The following ANKRD11 variants were observed in gnomAD, a reference collection of about 807,000 sequenced individuals.
The protein encoded by ANKRD11 is ankyrin repeat domain 11.
Under a neutral mutation model 195.7 loss-of-function variants are expected in ANKRD11, and 17 were observed. That is an observed-to-expected ratio of 0.09 (90% confidence interval 0.06 to 0.13). The LOEUF (loss-of-function observed/expected upper bound fraction) is 0.13, where lower values mean the gene tolerates loss of function less well. Among genes scored for constraint, ANKRD11 ranks in the 10% least tolerant of loss-of-function variants. The probability of loss-of-function intolerance (pLI) is 1.00; values close to 1 mark genes in which losing one functional copy is unlikely to be tolerated. For missense variants in ANKRD11, 3,735 were observed against 3,566.1 expected (o/e 1.05, Z -1.21); for synonymous variants, 1,953 against 1,528.1 (o/e 1.28, Z -6.49).
At chr16:89,426,493 G>C (rs980537607) in intron 1 of ANKRD11, among the ~76,000 whole-genome samples, 7 of 150,450 alleles carry the variant, frequency 4.7e-5, no homozygotes, top group African/African-American at 1.5e-4. Context: ...AACAAGCCTT[G>C]AAAGGGAACA....
intron 1 of ANKRD11, among the ~76,000 whole-genome samples, chr16:89,469,229 T>A (rs1416624581): frequency 6.6e-6 from 1 of 152,232 alleles, no homozygotes; most frequent in Middle Eastern, 3.4e-3. Flanking sequence ...ATCCACTCTT[T>A]TTTTTCTTTT....
At chr16:89,379,581 T>C (rs565480292) in intron 2 of ANKRD11, among the ~76,000 whole-genome samples, 2 of 152,298 alleles carry the variant, frequency 1.3e-5, no homozygotes, top group East Asian at 3.9e-4. Flanking sequence ...TGGGCTCAAG[T>C]GACACTTCTG....
In ANKRD11 at chr16:89,461,180, ACCCC is replaced by A. The variant is rs33936253; in HGVS notation, c.-145+29061_-145+29064del. Reference sequence around the variant, plus strand: ...GAGAAGAAAGGACAAATATCGTATGACCCCCCCCCCCCCCTTATAGGAGAGGTGC... The same window carrying A: ...GAGAAGAAAGGACAAATATCGTATGACCCCCCCCCCTTATAGGAGAGGTGC... On this transcript the variant is annotated intron_variant, in intron 1 of 12. Coordinates refer to ENST00000301030, the MANE Select transcript of ANKRD11 (RefSeq NM_013275.6). Among the ~76,000 whole-genome samples the A allele has an allele frequency of 1.7e-4, 10 of 58,268 alleles. 1 individual carries two copies. The highest frequency in any genetic ancestry group is 4.0e-4 in the African/African-American group (5 of 12,394). The allele number at this position is 58,268 out of a possible 152,430, so 38.2% of individuals were successfully genotyped here. A position where few individuals can be genotyped will look rare whatever the true frequency, so the allele number is the denominator to read the frequency against.
Position 89,490,457 on chromosome 16 carries a change from T to C in ANKRD11, c.-357A>G. On this transcript the variant is annotated 5_prime_UTR_variant, in exon 1 of 13. Transcript: ENST00000301030. ...CCACGGCTCGGGCGAGAGCCGCGGCTCCCGGTGCGGACGCTACTGATGGGG... is the reference window on the plus strand; with the variant it reads ...CCACGGCTCGGGCGAGAGCCGCGGCCCCCGGTGCGGACGCTACTGATGGGG... The C allele has an allele frequency of 2.6e-6, 1 of 378,360 alleles. No individual in the cohort carries two copies. The highest frequency in any genetic ancestry group is 7.7e-5 in the South Asian group (1 of 12,938). The allele number at this position is 378,360 out of a possible 1,614,324, so 23.4% of individuals were successfully genotyped here.
intron 2 of ANKRD11, chr16:89,323,282 C>CCTTG: frequency 7.8e-7 from 1 of 1,288,422 alleles, no homozygotes; most frequent in South Asian, 1.2e-5. Flanking sequence ...CTACTGTGTG[C>CCTTG]AAAGCCCTTG....
chr16:89,469,443 A>C (rs1385857647), intron 1 of ANKRD11, among the ~76,000 whole-genome samples: 3 of 151,886 alleles, frequency 2.0e-5, no homozygotes, highest in African/African-American at 7.3e-5. Flanking sequence ...GGATGGTGTC[A>C]AACTCCTAAC....
At chr16:89,409,850 A>ATTTT in intron 2 of ANKRD11, among the ~76,000 whole-genome samples, 1 of 151,972 alleles carries the variant, frequency 6.6e-6, no homozygotes, top group East Asian at 1.9e-4. Flanking sequence ...TTATTTATTT[A>ATTTT]TTTTTTGAGA....
intron 2 of ANKRD11, among the ~76,000 whole-genome samples, chr16:89,355,989 T>A (rs1273779479): frequency 6.6e-6 from 1 of 151,982 alleles, no homozygotes; most frequent in Non-Finnish European, 1.5e-5. Flanking sequence ...GGTGGGAGGA[T>A]CACATGAGCC....
chr16:89,380,461 G>A (rs1372293890), intron 2 of ANKRD11, among the ~76,000 whole-genome samples: 3 of 152,132 alleles, frequency 2.0e-5, no homozygotes, highest in African/African-American at 7.2e-5. Context: ...AGAGCTCCCT[G>A]AGCCTTCAGA....
chr16:89,390,174 G>A (rs555896646), intron 2 of ANKRD11, among the ~76,000 whole-genome samples: 21 of 112,438 alleles, frequency 1.9e-4, no homozygotes, highest in Admixed American at 4.9e-4. Flanking sequence ...CGAGTGTGGC[G>A]GGGAGCACCG....
At chr16:89,459,425 T>A (rs1479866007) in intron 1 of ANKRD11, 1 of 152,146 alleles carries the variant, frequency 6.6e-6, no homozygotes, top group Non-Finnish European at 1.5e-5. Flanking sequence ...TTGTGAAAAT[T>A]TCCAACAAAA....
chr16:89,384,983 T>TC (rs1474667189), intron 2 of ANKRD11, among the ~76,000 whole-genome samples: 1 of 136,436 alleles, frequency 7.3e-6, no homozygotes, highest in East Asian at 2.3e-4. Context: ...ACTCCTGGGT[T>TC]CAAGTGATTC....
chr16:89,487,825 C>T (rs1181038621), intron 1 of ANKRD11, among the ~76,000 whole-genome samples: 1 of 152,140 alleles, frequency 6.6e-6, no homozygotes, highest in Non-Finnish European at 1.5e-5. Context: ...TGGAAAAATA[C>T]TGTCCAACAC....
intron 2 of ANKRD11, among the ~76,000 whole-genome samples, chr16:89,410,070 A>C (rs935329684): frequency 6.6e-6 from 1 of 152,058 alleles, no homozygotes; most frequent in Non-Finnish European, 1.5e-5. Context: ...CGATCTCCTG[A>C]CCTCGTGATC....
Position 89,415,426 on chromosome 16 carries a change from G to A in ANKRD11, c.-60+2858C>T, listed in dbSNP as rs982273569. On this transcript the variant is annotated intron_variant, in intron 2 of 12. Transcript: ENST00000301030. ...ACTACAGGCGCCTGCCACCATGCCC[G>A]GCTAATTTTTTGTATTTTTAGTAGA... is the stretch of plus-strand genomic sequence containing the variant. Among the ~76,000 whole-genome samples the A allele has an allele frequency of 2.7e-4, 41 of 150,708 alleles. 1 individual carries two copies. The highest frequency in any genetic ancestry group is 8.4e-4 in the African/African-American group (34 of 40,690).
chr16:89,444,843 T>C lies in ANKRD11; in HGVS notation c.-144-26475A>G, dbSNP rs542508648. 9.2e-5 allele frequency among the ~76,000 whole-genome samples: 14 copies of C among 152,188 alleles called. No homozygotes were observed. In the South Asian group the frequency reaches 2.7e-3, roughly 29 times the overall value. On this transcript the variant is annotated intron_variant, in intron 1 of 12. Coordinates refer to ENST00000301030, the MANE Select transcript of ANKRD11 (RefSeq NM_013275.6). ...TCTACCAAATAAAGATCAACTATGA[T>C]GTAACAACCAAGTAACCCTACAGTG... is the stretch of plus-strand genomic sequence containing the variant.
At chr16:89,465,842 C>G (rs2056862744) in intron 1 of ANKRD11, among the ~76,000 whole-genome samples, 1 of 152,216 alleles carries the variant, frequency 6.6e-6, no homozygotes, top group African/African-American at 2.4e-5. Context: ...TCCCGAGTAG[C>G]TGGGACTGCA....
intron 1 of ANKRD11, among the ~76,000 whole-genome samples, chr16:89,467,029 CTATCA>C (rs2056908920): frequency 6.6e-6 from 1 of 152,172 alleles, no homozygotes; most frequent in Non-Finnish European, 1.5e-5. Flanking sequence ...AAATGACATC[CTATCA>C]TATAAGAAAT....
At position 89,281,128 on chromosome 16, in the gene ANKRD11, A is replaced by T. The variant is rs2034197736; in HGVS notation, c.5414T>A (p.Val1805Asp). Residue 1805 changes from valine to aspartate, a missense_variant, in exon 9 of 13, where the codon GTC (valine) becomes GAC (aspartate). By Grantham distance (152) the Val-to-Asp change is radical (BLOSUM62 -3). Coordinates refer to ENST00000301030, the MANE Select transcript of ANKRD11 (RefSeq NM_013275.6). The surrounding 1 kb of genome is among the most constrained non-coding windows in gnomAD (Gnocchi z 5.5). ...IRRTPEEEFS[V>D]GDKLFRQQSV... ...CTGCTGCCTGAAGAGCTTGTCTCCG[A>T]CGCTGAATTCTTCCTCGGGGGTCCT... 3.7e-6 allele frequency: 6 copies of T among 1,612,968 alleles called. No homozygotes were observed. Among genetic ancestry groups the T allele is most frequent in the Non-Finnish European group, 5.1e-6 (6 of 1,179,136 alleles).
Sources: gnomAD v4.1 joint callset for allele counts (sites outside exome capture counted in the v4.1 genomes callset) on GRCh38, gnomAD v4.1.1 for gene constraint, Gnocchi (gnomAD v3.1) non-coding constraint, MANE v1.5 for transcripts, NCBI Gene and HGNC (gene_info 2026-07-23, HGNC 2026-07-21) for gene names.